CDK12: variants seen among roughly 807,000 people sequenced by gnomAD.
CDK12 encodes cyclin dependent kinase 12.
Under a neutral mutation model 133.8 loss-of-function variants are expected in CDK12, and 17 were observed. The observed-to-expected ratio is 0.13, with a 90% CI of 0.09 to 0.19. CDK12 has a LOEUF of 0.19. Ranked by LOEUF, CDK12 falls within the 10% of genes least tolerant of loss-of-function variation. CDK12 has a pLI of 1.00. For synonymous variants in CDK12, 694 were observed against 683.6 expected, an observed-to-expected ratio of 1.02 and a Z score of -0.24; for missense variants, 1,508 against 1,818.7, an observed-to-expected ratio of 0.83 and a Z score of 3.11.
chr17:39,499,499 G>A (rs372979895), intron 5 of CDK12, among the ~76,000 whole-genome samples: 12 of 133,842 alleles, frequency 9.0e-5, no homozygotes, highest in African/African-American at 3.5e-4. Flanking sequence ...ATGAACTACC[G>A]CGCCCAGCCT....
downstream of CDK12, among the ~76,000 whole-genome samples, chr17:39,537,831 G>A (rs563736756): frequency 7.9e-5 from 12 of 151,920 alleles, no homozygotes; most frequent in African/African-American, 2.9e-4. Context: ...CAAAGTGCTC[G>A]GCCTCCCAAA....
chr17:39,524,048 T>C (rs1238948231), intron 11 of CDK12, among the ~76,000 whole-genome samples: 1 of 152,170 alleles, frequency 6.6e-6, no homozygotes, highest in Non-Finnish European at 1.5e-5. Context: ...TAGAGAGATT[T>C]ATAGTAAGAT....
At position 39,471,769 on chromosome 17, in the gene CDK12, TC is replaced by T; in HGVS notation, c.1931+8del. The T allele has an allele frequency of 6.3e-7, 1 of 1,591,648 alleles. No homozygotes were observed. The highest frequency in any genetic ancestry group is 8.6e-7 in the Non-Finnish European group (1 of 1,168,150). ...GGAGATGATGACATGGATAGGTAAGTCCTATAGTGAACTGGAAAAAACCCCC... is the reference window on the plus strand; with the variant it reads ...GGAGATGATGACATGGATAGGTAAGTCTATAGTGAACTGGAAAAAACCCCC... On this transcript the variant is annotated splice_region_variant and intron_variant, in intron 2 of 13. Coordinates refer to ENST00000447079, the MANE Select transcript of CDK12 (RefSeq NM_016507.4).
chr17:39,507,374 G>A (rs953064174), intron 6 of CDK12, among the ~76,000 whole-genome samples: 5 of 150,796 alleles, frequency 3.3e-5, no homozygotes, highest in African/African-American at 7.3e-5. Context: ...ATCACCTGAG[G>A]TAGGGAGTTC....
At chr17:39,473,300 A>G (rs1047554011) in intron 2 of CDK12, among the ~76,000 whole-genome samples, 14 of 152,182 alleles carry the variant, frequency 9.2e-5, no homozygotes, top group Admixed American at 3.9e-4. Flanking sequence ...ATAAAAAGTA[A>G]AAGAATAATA....
chr17:39,465,749 C>T (rs71369767), intron 1 of CDK12, among the ~76,000 whole-genome samples: 7,842 of 152,132 alleles, frequency 0.052, 664 homozygotes, highest in African/African-American at 0.18. Flanking sequence ...CCTCGGCCTC[C>T]TAAAGTGCTG....
intron 3 of CDK12, among the ~76,000 whole-genome samples, chr17:39,560,144 G>A (rs928586587): frequency 1.3e-5 from 2 of 152,158 alleles, no homozygotes; most frequent in Non-Finnish European, 1.5e-5. Context: ...GTTTTTATGT[G>A]TATCAATAGT....
At chr17:39,545,552 G>A (rs1031829120), upstream of CDK12, among the ~76,000 whole-genome samples, 1 of 146,900 alleles carries the variant, frequency 6.8e-6, no homozygotes, top group Admixed American at 6.9e-5. Context: ...AGGCTGGAGC[G>A]AAATGGCGTG....
At chr17:39,494,150 C>T (rs368934700) in intron 4 of CDK12, among the ~76,000 whole-genome samples, 3 of 152,146 alleles carry the variant, frequency 2.0e-5, no homozygotes, top group South Asian at 4.1e-4. Context: ...CTCTGCTCAC[C>T]GCAACCTCTG....
At chr17:39,522,606 G>A (rs1238963097) in intron 11 of CDK12, among the ~76,000 whole-genome samples, 1 of 151,732 alleles carries the variant, frequency 6.6e-6, no homozygotes, top group African/African-American at 2.4e-5. Context: ...GCTAATTTTT[G>A]TATTTTTAGT....
chr17:39,505,702 C>T (rs1480693416), intron 6 of CDK12, among the ~76,000 whole-genome samples: 1 of 152,144 alleles, frequency 6.6e-6, no homozygotes, highest in African/African-American at 2.4e-5. Context: ...TGAACTGTGG[C>T]ATGTCCACTT....
intron 2 of CDK12, among the ~76,000 whole-genome samples, chr17:39,487,309 C>T (rs2051211367): frequency 6.6e-6 from 1 of 152,144 alleles, no homozygotes; most frequent in Admixed American, 6.6e-5. Flanking sequence ...GAGTAAATGA[C>T]ATTCTTTTAT....
intron 2 of CDK12, among the ~76,000 whole-genome samples, chr17:39,551,337 T>G (rs1049576335): frequency 4.6e-5 from 7 of 152,134 alleles, no homozygotes; most frequent in African/African-American, 1.7e-4. Context: ...ATCTTATCCA[T>G]TTTCTTGCTT....
intron 6 of CDK12, among the ~76,000 whole-genome samples, chr17:39,509,262 A>AG (rs2053331116): frequency 1.3e-5 from 2 of 152,106 alleles, no homozygotes; most frequent in Non-Finnish European, 2.9e-5. Flanking sequence ...CTGGGACTAC[A>AG]GGTGTGAGCC....
Position 39,560,443 on chromosome 17 carries a change from A to C in CDK12, n.484+4030A>C, listed in dbSNP as rs149343913. ...AAACTTCTTAATTGGGCATGGCACT[A>C]CTATTATCTCCATTTTATAGATGTG... is the stretch of plus-strand genomic sequence containing the variant. On this transcript the variant is annotated intron_variant and non_coding_transcript_variant, in intron 3 of 3. Coordinates refer to the CDK12 transcript ENST00000558240. Among the ~76,000 whole-genome samples the C allele has an allele frequency of 2.1e-3, 325 of 152,342 alleles. 2 individuals carry two copies. Among genetic ancestry groups the C allele is most frequent in the African/African-American group, 7.6e-3 (314 of 41,576 alleles).
chr17:39,490,531 G>T, intron 2 of CDK12, 26 bp from the exon 3 acceptor site: 1 of 1,519,100 alleles, frequency 6.6e-7, no homozygotes, highest in South Asian at 1.2e-5. Context: ...TTGTAATTTT[G>T]TCATCTCTTC....
downstream of CDK12, chr17:39,564,898 T>C (rs1188003539): frequency 6.6e-6 from 1 of 152,158 alleles, no homozygotes; most frequent in African/African-American, 2.4e-5. Context: ...TGTGGAAATA[T>C]ATTTTCTTAA....
Position 39,518,987 on chromosome 17 carries a change from C to T in CDK12, c.2964-969C>T, listed in dbSNP as rs144123682. 2.7e-3 allele frequency among the ~76,000 whole-genome samples: 416 copies of T among 152,244 alleles called. 1 individual carries two copies. Among genetic ancestry groups the T allele is most frequent in the Admixed American group, 6.1e-3 (93 of 15,288 alleles). ...CATCATCTCGGCTCACTGCAACCTC[C>T]GCCTCCTGGGTTTAAGTGATTCTCC... On this transcript the variant is annotated intron_variant, in intron 10 of 13. Coordinates refer to ENST00000447079, the MANE Select transcript of CDK12 (RefSeq NM_016507.4).
chr17:39,557,973 G>A (rs965310006), intron 3 of CDK12, among the ~76,000 whole-genome samples: 6 of 152,148 alleles, frequency 3.9e-5, no homozygotes, highest in African/African-American at 9.7e-5. Context: ...TGAGAATTTC[G>A]TGAAATAATG....
Sources: allele counts gnomAD v4.1 joint callset (sites outside exome capture counted in the v4.1 genomes callset), GRCh38; gene constraint gnomAD v4.1.1; transcripts MANE v1.5; gene names NCBI Gene and HGNC (gene_info 2026-07-23, HGNC 2026-07-21).